LMNTD1: variants seen among roughly 807,000 people sequenced by gnomAD.
The protein encoded by LMNTD1 is lamin tail domain-containing protein 1.
A neutral mutation model predicts 50.9 loss-of-function variants in LMNTD1; 35 were observed. That is an observed-to-expected ratio of 0.69 (90% CI 0.53 to 0.91). The LOEUF is 0.91. Among genes scored for constraint, LMNTD1 ranks in the 40% least tolerant of loss-of-function variants. The pLI, the probability that LMNTD1 is intolerant of heterozygous loss-of-function variation, is 0.00. For missense variants in LMNTD1, 470 were observed against 475.5 expected (o/e 0.99, Z 0.11); for synonymous variants, 153 against 161.9 (o/e 0.94, Z 0.42).
At chr12:25,481,904 C>T (rs1340044732) in intron 9 of LMNTD1, among the ~76,000 whole-genome samples, 3 of 147,474 alleles carry the variant, frequency 2.0e-5, no homozygotes, top group African/African-American at 5.2e-5. Context: ...CACACACACA[C>T]ACATATAGTG....
At chr12:25,508,558 G>A (rs780001613) in intron 8 of LMNTD1, among the ~76,000 whole-genome samples, 7 of 151,934 alleles carry the variant, frequency 4.6e-5, no homozygotes, top group Non-Finnish European at 7.4e-5. Context: ...CTAGTTCTTG[G>A]CTACTACAAA....
At position 25,546,442 on chromosome 12, in the gene LMNTD1, T is replaced by C. The variant is rs763438924; in HGVS notation, c.423A>G (p.Ser141=). The C allele has an allele frequency of 6.2e-7, 1 of 1,600,850 alleles. No homozygotes were observed. The highest frequency in any genetic ancestry group is 2.3e-5 in the East Asian group (1 of 44,354). The change falls in exon 4 of 10, where the codon TCA becomes TCG. Residue 141 remains serine, a synonymous_variant. Coordinates refer to ENST00000458174, the MANE Select transcript of LMNTD1 (RefSeq NM_001145728.2). ...ATTTTAAAGTTTTCTGAGTGTAGTT[T>C]GAGTGTGCTGTAAGTTTCTTTGAAT... ...FGDSKKLTAH[S]NYTQKTLKYF...
chr12:25,522,415 C>T (rs989587898), intron 6 of LMNTD1, among the ~76,000 whole-genome samples: 3 of 152,130 alleles, frequency 2.0e-5, no homozygotes, highest in African/African-American at 7.2e-5. Context: ...AATTTAGCCT[C>T]AGCTCTAGAA....
chr12:25,634,822 G>T (rs1361175556), intron 1 of LMNTD1, among the ~76,000 whole-genome samples: 1 of 152,016 alleles, frequency 6.6e-6, no homozygotes, highest in African/African-American at 2.4e-5. Context: ...TCAGACAAGA[G>T]AAAGAGAAAA....
chr12:25,594,119 C>G (rs1017353204), intron 1 of LMNTD1, among the ~76,000 whole-genome samples: 1 of 152,156 alleles, frequency 6.6e-6, no homozygotes, highest in Non-Finnish European at 1.5e-5. Flanking sequence ...GAAGAGAAAT[C>G]TAAAAGTTTG....
intron 1 of LMNTD1, among the ~76,000 whole-genome samples, chr12:25,631,342 C>G (rs992212961): frequency 1.3e-5 from 2 of 151,538 alleles, no homozygotes; most frequent in Non-Finnish European, 1.5e-5. Context: ...CCAACCAGCA[C>G]AAAAATAGAG....
chr12:25,488,127 C>T (rs1210876565), intron 9 of LMNTD1, among the ~76,000 whole-genome samples: 39 of 146,508 alleles, frequency 2.7e-4, no homozygotes, highest in African/African-American at 7.2e-4. Flanking sequence ...TTGCTCTTCT[C>T]GAGGAGTATC....
intron 8 of LMNTD1, among the ~76,000 whole-genome samples, chr12:25,512,844 T>C (rs1940403761): frequency 7.4e-6 from 1 of 134,802 alleles, no homozygotes; most frequent in African/African-American, 2.7e-5. Flanking sequence ...TAGGAGAATC[T>C]ACTCACAATT....
chr12:25,510,226 T>A (rs1940161020), intron 8 of LMNTD1, among the ~76,000 whole-genome samples: 2 of 151,842 alleles, frequency 1.3e-5, no homozygotes, highest in Admixed American at 1.3e-4. Flanking sequence ...GATTTGCCAT[T>A]AATGAATCCT....
At chr12:25,589,388 A>T (rs1227302864) in intron 1 of LMNTD1, among the ~76,000 whole-genome samples, 1 of 152,208 alleles carries the variant, frequency 6.6e-6, no homozygotes, top group Non-Finnish European at 1.5e-5. Context: ...CAACAGTGGT[A>T]AAACTGCAAA....
At chr12:25,533,792 C>T (rs1181638036) in intron 4 of LMNTD1, among the ~76,000 whole-genome samples, 1 of 152,152 alleles carries the variant, frequency 6.6e-6, no homozygotes, top group Non-Finnish European at 1.5e-5. Context: ...GGTTCTAAAT[C>T]ATCCAAGGGA....
chr12:25,525,194 T>G (rs1013730455), intron 6 of LMNTD1, among the ~76,000 whole-genome samples: 4 of 152,202 alleles, frequency 2.6e-5, no homozygotes, highest in Admixed American at 1.3e-4. Context: ...TCCATGGGTA[T>G]ATATGTATGC....
At chr12:25,513,632 C>T (rs11837164) in intron 8 of LMNTD1, among the ~76,000 whole-genome samples, 29,600 of 152,002 alleles carry the variant, frequency 0.19, 3,105 homozygotes, top group African/African-American at 0.26. Flanking sequence ...TCAGACTCTG[C>T]TTCAAAAACA....
rs1157382983 is a variant in LMNTD1 at position 25,549,353 on chromosome 12, T to C, written c.283A>G (p.Ser95Gly). Residue 95 changes from serine (S) to glycine (G), a missense_variant, in exon 3 of 10, where the codon AGC becomes GGC. Physicochemically the swap from Ser to Gly is moderately conservative, Grantham distance 56. Transcript: ENST00000458174. ...GQLTSKATVGSCSRVENSLDA... is the reference protein window; with the variant it reads ...GQLTSKATVGGCSRVENSLDA... ...AAGCTGTTTTCCACTCTGGAACAGC[T>C]ACCTACAGTAGCTTTAGAAGTCAAT... 6.2e-7 allele frequency: 1 copy of C among 1,610,754 alleles called. No homozygotes were observed.
intron 1 of LMNTD1, among the ~76,000 whole-genome samples, chr12:25,604,469 G>A (rs1220187023): frequency 1.3e-5 from 2 of 151,968 alleles, no homozygotes; most frequent in Non-Finnish European, 2.9e-5. Flanking sequence ...TTTAGCATTA[G>A]GTATATCTCC....
At chr12:25,587,150 A>G (rs1411650992) in intron 1 of LMNTD1, among the ~76,000 whole-genome samples, 1 of 152,096 alleles carries the variant, frequency 6.6e-6, no homozygotes. Context: ...GAGTGAATTT[A>G]TCTCTCCTCT....
chr12:25,492,734 T>C (rs1460915939), intron 9 of LMNTD1, among the ~76,000 whole-genome samples: 4 of 152,190 alleles, frequency 2.6e-5, no homozygotes, highest in Non-Finnish European at 5.9e-5. Context: ...ATAACCGCTA[T>C]TTTATAGTGG....
chr12:25,624,134 C>T (rs1187630813), intron 1 of LMNTD1, among the ~76,000 whole-genome samples: 1 of 152,186 alleles, frequency 6.6e-6, no homozygotes, highest in Non-Finnish European at 1.5e-5. Flanking sequence ...TTATCTTCAA[C>T]ATGTACTGAA....
intron 8 of LMNTD1, among the ~76,000 whole-genome samples, chr12:25,508,013 G>GT (rs528443379): frequency 1.4e-3 from 198 of 144,492 alleles, no homozygotes; most frequent in South Asian, 0.011. Context: ...TCATCAACGT[G>GT]TTTTTTTTTT....
Sources: allele counts gnomAD v4.1 joint callset (sites outside exome capture counted in the v4.1 genomes callset), GRCh38; gene constraint gnomAD v4.1.1; transcripts MANE v1.5; gene names NCBI Gene and HGNC (gene_info 2026-07-23, HGNC 2026-07-21).